ZC2HC1A: variants seen among roughly 807,000 people sequenced by gnomAD.
ZC2HC1A encodes zinc finger C2HC-type containing 1A.
In ZC2HC1A, 28 loss-of-function variants were observed where a neutral mutation model predicts 40.7. That is an observed-to-expected ratio of 0.69 (90% CI 0.51 to 0.94). The LOEUF is 0.94. Ranked by LOEUF, ZC2HC1A falls within the 40% of genes least tolerant of loss-of-function variation. ZC2HC1A has a pLI of 0.00. For synonymous variants in ZC2HC1A, 129 were observed against 129.2 expected (o/e 1.00, Z 0.01); for missense variants, 389 against 386.3 (o/e 1.01, Z -0.06).
At chr8:78,686,365 G>A in intron 3 of ZC2HC1A, 102 bp from the exon 4 acceptor site, 1 of 1,014,790 alleles carries the variant, frequency 9.9e-7, no homozygotes, top group East Asian at 3.2e-5. Flanking sequence ...CTCCTGATAA[G>A]AGAACATTTA....
At chr8:78,702,898 T>C (rs1196624124) in intron 7 of ZC2HC1A, among the ~76,000 whole-genome samples, 1 of 152,136 alleles carries the variant, frequency 6.6e-6, no homozygotes, top group Non-Finnish European at 1.5e-5. Context: ...AATTTTATTT[T>C]ATTTTATTTT....
intron 7 of ZC2HC1A, 23 bp from the exon 8 acceptor site, chr8:78,715,198 A>G (rs1563641467): frequency 1.2e-6 from 2 of 1,602,838 alleles, no homozygotes; most frequent in South Asian, 1.1e-5. Flanking sequence ...ATACTTTTCC[A>G]TTATTTTTCC....
chr8:78,673,652 T>A (rs1809495937), intron 1 of ZC2HC1A, among the ~76,000 whole-genome samples: 2 of 152,206 alleles, frequency 1.3e-5, no homozygotes, highest in South Asian at 4.1e-4. Context: ...ATGAAAGCGT[T>A]GTCCAAATTG....
rs2130624845 is a variant in ZC2HC1A, at chr8:78,718,388, TG to T, written c.*896del. On this transcript the variant is annotated 3_prime_UTR_variant, in exon 9 of 9. Transcript: ENST00000263849. ...ACATGTTTAAAAACATATAATTTTT[TG>T]TATCTGAATTTAGAATAAATCATTT... 6.6e-6 allele frequency: 1 copy of T among 152,106 alleles called. No individual in the cohort carries two copies. Among genetic ancestry groups the T allele is most frequent in the Admixed American group, 6.5e-5 (1 of 15,272 alleles). 9.4% of individuals were successfully genotyped at this position (152,106 alleles called of 1,614,324 possible).
chr8:78,666,176 A>G lies in ZC2HC1A; in HGVS notation c.16+12A>G. 6.4e-7 allele frequency: 1 copy of G among 1,574,512 alleles called. No individual in the cohort carries two copies. The highest frequency in any genetic ancestry group is 8.6e-7 in the Non-Finnish European group (1 of 1,160,326). On this transcript the variant is annotated intron_variant, in intron 1 of 8. Transcript: ENST00000263849. ...GGAGGGACTGGAAGGTGAGGCGATGAAGGGATGAGGGCAGGACGGCTAGAG... is the reference window on the plus strand; with the variant it reads ...GGAGGGACTGGAAGGTGAGGCGATGGAGGGATGAGGGCAGGACGGCTAGAG...
At chr8:78,687,010 AT>A (rs1293934833) in intron 4 of ZC2HC1A, among the ~76,000 whole-genome samples, 2 of 152,172 alleles carry the variant, frequency 1.3e-5, no homozygotes, top group Non-Finnish European at 2.9e-5. Context: ...TATAAAAAAA[AT>A]CATAATTTTC....
At chr8:78,674,733 G>A (rs1809525862) in intron 1 of ZC2HC1A, among the ~76,000 whole-genome samples, 1 of 152,114 alleles carries the variant, frequency 6.6e-6, no homozygotes, top group Non-Finnish European at 1.5e-5. Flanking sequence ...GTATTTGAAT[G>A]CATTCTTACC....
chr8:78,690,365 C>T (rs1170663308), intron 5 of ZC2HC1A, among the ~76,000 whole-genome samples: 3 of 152,138 alleles, frequency 2.0e-5, no homozygotes, highest in African/African-American at 7.2e-5. Context: ...TAAAGACCAT[C>T]CTGGCTAACA....
chr8:78,712,019 G>C, intron 7 of ZC2HC1A: 2 of 1,289,572 alleles, frequency 1.6e-6, no homozygotes, highest in Non-Finnish European at 1.0e-6. Flanking sequence ...CCTCCACTTC[G>C]AACGGGAAGA....
Position 78,686,573 on chromosome 8 carries a change from A to C in ZC2HC1A, c.317A>C (p.Lys106Thr), listed in dbSNP as rs1370358952. 6.5e-7 allele frequency: 1 copy of C among 1,535,754 alleles called. No homozygotes were observed. The highest frequency in any genetic ancestry group is 1.3e-5 in the South Asian group (1 of 75,356). ...GATCAGGCCCTCAAAGAGGGTGGCA[A>C]ACTTCCTCCTCCTCCTCCACCTTCT... ...GLDQALKEGGKLPPPPPPSYD... is the reference protein window; with the variant it reads ...GLDQALKEGGTLPPPPPPSYD... The change falls in exon 4 of 9, where the codon AAA (lysine) becomes ACA (threonine). Residue 106 changes from lysine to threonine, a missense_variant. By Grantham distance (78) the Lys-to-Thr change is moderately conservative. Transcript: ENST00000263849.
chr8:78,709,568 A>G (rs1035597734), intron 7 of ZC2HC1A, among the ~76,000 whole-genome samples: 7 of 152,078 alleles, frequency 4.6e-5, no homozygotes, highest in African/African-American at 1.4e-4. Flanking sequence ...AGGATTGATA[A>G]ATTTAGGATC....
chr8:78,693,990 A>T (rs1454587960), intron 5 of ZC2HC1A, among the ~76,000 whole-genome samples: 1 of 152,190 alleles, frequency 6.6e-6, no homozygotes, highest in Non-Finnish European at 1.5e-5. Flanking sequence ...TAAATAGGGA[A>T]TCCTTTCCAC....
At chr8:78,708,683 C>CTTT (rs1192881506) in intron 7 of ZC2HC1A, among the ~76,000 whole-genome samples, 2 of 121,040 alleles carry the variant, frequency 1.7e-5, no homozygotes, top group African/African-American at 2.9e-5. Flanking sequence ...TTTTTTTTTT[C>CTTT]TTTTTTTTTT....
intron 3 of ZC2HC1A, chr8:78,679,471 A>G (rs1809692249): frequency 6.6e-6 from 1 of 152,038 alleles, no homozygotes; most frequent in East Asian, 1.9e-4. Flanking sequence ...TCTTTAATTT[A>G]TGTTACTTTT....
At chr8:78,678,739 A>G (rs956266912) in intron 3 of ZC2HC1A, 60 bp downstream of exon 3, 7 of 1,156,018 alleles carry the variant, frequency 6.1e-6, no homozygotes, top group Non-Finnish European at 7.3e-6. Flanking sequence ...GAAAAATATT[A>G]TATTATCTGT....
At chr8:78,699,100 G>A (rs1563633404) in intron 7 of ZC2HC1A, among the ~76,000 whole-genome samples, 3 of 143,972 alleles carry the variant, frequency 2.1e-5, no homozygotes, top group East Asian at 4.1e-4. Context: ...TGCAACTATA[G>A]TATGTATATA....
chr8:78,709,032 A>G (rs533674151), intron 7 of ZC2HC1A, among the ~76,000 whole-genome samples: 3 of 152,294 alleles, frequency 2.0e-5, no homozygotes, highest in East Asian at 1.9e-4. Flanking sequence ...TTTTAAATAA[A>G]TATTTCCCCA....
chr8:78,667,579 C>A (rs563257924), intron 1 of ZC2HC1A, among the ~76,000 whole-genome samples: 4 of 152,164 alleles, frequency 2.6e-5, no homozygotes, highest in African/African-American at 7.2e-5. Context: ...AGATCATCAT[C>A]TGATTTTTCA....
intron 3 of ZC2HC1A, among the ~76,000 whole-genome samples, chr8:78,680,250 G>A (rs375384486): frequency 3.8e-5 from 5 of 130,202 alleles, no homozygotes; most frequent in African/African-American, 1.5e-4. Flanking sequence ...AGTACAGTCC[G>A]CAGTCCGGCC....
Sources: gnomAD v4.1 joint callset for allele counts (sites outside exome capture counted in the v4.1 genomes callset) on GRCh38, gnomAD v4.1.1 for gene constraint, MANE v1.5 for transcripts, NCBI Gene and HGNC (gene_info 2026-07-23, HGNC 2026-07-21) for gene names.